Variants in CLIC4 observed in about 807,000 individuals in gnomAD.
CLIC4 encodes chloride intracellular channel protein 4.
A neutral mutation model predicts 24.6 loss-of-function variants in CLIC4; 13 were observed. That is an observed-to-expected ratio of 0.53 (90% CI 0.34 to 0.84). The LOEUF (loss-of-function observed/expected upper bound fraction) is 0.84. CLIC4 is among the 40% of genes least tolerant of loss of function. The pLI is 0.01. For missense variants in CLIC4, 227 were observed against 301.7 expected, an observed-to-expected ratio of 0.75 and a Z score of 1.83; for synonymous variants, 104 against 111.3, an observed-to-expected ratio of 0.93 and a Z score of 0.41.
chr1:24,793,727 C>T (rs1639366061), intron 1 of CLIC4, among the ~76,000 whole-genome samples: 2 of 151,414 alleles, frequency 1.3e-5, no homozygotes, highest in Admixed American at 1.3e-4. Flanking sequence ...TTTCTTAAAC[C>T]AAGCTCTGTT....
chr1:24,781,854 G>T (rs901427381), intron 1 of CLIC4, among the ~76,000 whole-genome samples: 2 of 151,488 alleles, frequency 1.3e-5, no homozygotes, highest in Non-Finnish European at 2.9e-5. Context: ...GTTTCACTAT[G>T]TTGACCAGGC....
At chr1:24,774,959 T>C (rs1190271707) in intron 1 of CLIC4, among the ~76,000 whole-genome samples, 1 of 151,836 alleles carries the variant, frequency 6.6e-6, no homozygotes, top group Non-Finnish European at 1.5e-5. Flanking sequence ...TAATCCCAGC[T>C]ACTGGGGCAG....
chr1:24,836,268 G>A (rs1392999224), intron 4 of CLIC4, among the ~76,000 whole-genome samples: 2 of 152,110 alleles, frequency 1.3e-5, no homozygotes, highest in African/African-American at 2.4e-5. Flanking sequence ...AGTCATAGTG[G>A]GGGATCTTAA....
chr1:24,778,138 A>C (rs927912317), intron 1 of CLIC4, among the ~76,000 whole-genome samples: 2 of 152,152 alleles, frequency 1.3e-5, no homozygotes, highest in Non-Finnish European at 2.9e-5. Flanking sequence ...AGCAGGTGAG[A>C]TTCTAGCATC....
chr1:24,762,183 T>G (rs1164255328), intron 1 of CLIC4, among the ~76,000 whole-genome samples: 1 of 152,104 alleles, frequency 6.6e-6, no homozygotes, highest in Non-Finnish European at 1.5e-5. Context: ...TATGGAAGGC[T>G]GAGGTGGAAG....
At chr1:24,746,208 G>A (rs1262544749) in intron 1 of CLIC4, among the ~76,000 whole-genome samples, 2 of 152,216 alleles carry the variant, frequency 1.3e-5, no homozygotes, top group African/African-American at 4.8e-5. Context: ...GGAAAAGACC[G>A]AGATTCCCAA....
intron 3 of CLIC4, 121 bp downstream of exon 3, chr1:24,814,340 C>T (rs1639647255): frequency 1.4e-5 from 16 of 1,115,164 alleles, no homozygotes. Context: ...TTCTATGTTT[C>T]TTATAATTAA....
intron 2 of CLIC4, among the ~76,000 whole-genome samples, chr1:24,810,225 T>G (rs1252991576): frequency 6.6e-6 from 1 of 152,248 alleles, no homozygotes; most frequent in Non-Finnish European, 1.5e-5. Context: ...CTCTAAAATA[T>G]CTTTTTATTT....
At chr1:24,791,135 TGA>T (rs1639328840) in intron 1 of CLIC4, among the ~76,000 whole-genome samples, 1 of 152,184 alleles carries the variant, frequency 6.6e-6, no homozygotes, top group South Asian at 2.1e-4. Context: ...TTAAAAATAA[TGA>T]ATATAACTGT....
intron 1 of CLIC4, among the ~76,000 whole-genome samples, chr1:24,796,300 T>A (rs1639399681): frequency 6.6e-6 from 1 of 152,184 alleles, no homozygotes; most frequent in Non-Finnish European, 1.5e-5. Flanking sequence ...GCGATTCTCC[T>A]GCCTCAGCCT....
chr1:24,841,080 A>G lies in CLIC4; in HGVS notation c.*143A>G. 1 of 596,576 alleles carries G rather than the reference A, an allele frequency of 1.7e-6. No individual in the cohort carries two copies. The highest frequency in any genetic ancestry group is 2.7e-6 in the Non-Finnish European group (1 of 364,354). The allele number at this position is 596,576 out of a possible 1,614,324, so 37.0% of individuals were successfully genotyped here. ...GATTAGGATCAAGGATAGACAAGGT[A>G]TAGTAGTTATCTTAAAATATACACT... On this transcript the variant is annotated 3_prime_UTR_variant, in exon 6 of 6. Coordinates refer to ENST00000374379, the MANE Select transcript of CLIC4 (RefSeq NM_013943.3).
chr1:24,814,343 A>G (rs1284203100), intron 3 of CLIC4, 124 bp downstream of exon 3: 2 of 1,083,500 alleles, frequency 1.8e-6, no homozygotes, highest in Admixed American at 2.4e-5. Context: ...TATGTTTCTT[A>G]TAATTAATGC....
chr1:24,802,100 G>A (rs574520913), intron 2 of CLIC4, among the ~76,000 whole-genome samples: 9 of 152,038 alleles, frequency 5.9e-5, no homozygotes, highest in Non-Finnish European at 1.3e-4. Context: ...TTTTTGGCTT[G>A]GAGCAAGTGA....
intron 2 of CLIC4, among the ~76,000 whole-genome samples, chr1:24,799,171 C>G (rs1474656861): frequency 1.3e-5 from 2 of 151,436 alleles, no homozygotes; most frequent in Admixed American, 6.6e-5. Context: ...AGCGTCTCCG[C>G]CTGGCCGCCA....
chr1:24,759,120 T>G (rs760116342), intron 1 of CLIC4, among the ~76,000 whole-genome samples: 4 of 152,234 alleles, frequency 2.6e-5, no homozygotes, highest in Non-Finnish European at 5.9e-5. Flanking sequence ...ATCCTCCTCT[T>G]GTGCTCTTTA....
intron 1 of CLIC4, among the ~76,000 whole-genome samples, chr1:24,765,702 T>G (rs1056597707): frequency 6.6e-6 from 1 of 152,174 alleles, no homozygotes; most frequent in South Asian, 2.1e-4. Flanking sequence ...AAAAGTTCTT[T>G]ATATCTTTTG....
At chr1:24,830,419 C>T (rs1413227109) in intron 4 of CLIC4, among the ~76,000 whole-genome samples, 1 of 151,206 alleles carries the variant, frequency 6.6e-6, no homozygotes, top group East Asian at 1.9e-4. Context: ...TTCATTTAAC[C>T]ATTTCCATGT....
chr1:24,809,562 C>T (rs904662460), intron 2 of CLIC4, among the ~76,000 whole-genome samples: 7 of 152,152 alleles, frequency 4.6e-5, no homozygotes, highest in African/African-American at 1.7e-4. Context: ...CCTCCGCCTT[C>T]CAGCAATTCT....
intron 2 of CLIC4, among the ~76,000 whole-genome samples, chr1:24,813,801 C>T (rs986596567): frequency 6.6e-6 from 1 of 152,120 alleles, no homozygotes; most frequent in Non-Finnish European, 1.5e-5. Context: ...TCACTCCAGC[C>T]TCAACTTCCC....
Sources: gnomAD v4.1 joint callset for allele counts (sites outside exome capture counted in the v4.1 genomes callset) on GRCh38, gnomAD v4.1.1 for gene constraint, MANE v1.5 for transcripts, NCBI Gene and HGNC (gene_info 2026-07-23, HGNC 2026-07-21) for gene names.